Variants in USP13 observed in about 807,000 individuals in gnomAD.
The protein encoded by USP13 is ubiquitin carboxyl-terminal hydrolase 13.
In USP13, 68 loss-of-function variants were observed where a neutral mutation model predicts 107.8. That is an observed-to-expected ratio of 0.63 (90% CI 0.52 to 0.77). The LOEUF (loss-of-function observed/expected upper bound fraction) is 0.77, where lower values mean the gene tolerates loss of function less well. Among genes scored for constraint, USP13 ranks in the 30% least tolerant of loss-of-function variants. The pLI, the probability that USP13 is intolerant of heterozygous loss-of-function variation, is 0.00. For synonymous variants in USP13, 377 were observed against 389.5 expected (o/e 0.97, Z 0.38); for missense variants, 945 against 1,093.3 (o/e 0.86, Z 1.91).
chr3:179,670,768 G>A (rs1239575774), intron 1 of USP13, among the ~76,000 whole-genome samples: 3 of 151,852 alleles, frequency 2.0e-5, no homozygotes, highest in Non-Finnish European at 2.9e-5. Context: ...CATGATCTCC[G>A]CTCACTGCAA....
At chr3:179,660,839 T>C (rs1011207755) in intron 1 of USP13, among the ~76,000 whole-genome samples, 1 of 152,226 alleles carries the variant, frequency 6.6e-6, no homozygotes, top group Non-Finnish European at 1.5e-5. Context: ...AAGTAAATCT[T>C]ATTAGTTTCA....
At chr3:179,783,493 TTC>T (rs1442731315) in intron 20 of USP13, among the ~76,000 whole-genome samples, 1 of 152,224 alleles carries the variant, frequency 6.6e-6, no homozygotes, top group African/African-American at 2.4e-5. Context: ...ATTTTAATAG[TTC>T]TATAATAGTT....
intron 19 of USP13, among the ~76,000 whole-genome samples, chr3:179,771,794 T>C (rs1432029693): frequency 6.6e-6 from 1 of 152,220 alleles, no homozygotes; most frequent in Non-Finnish European, 1.5e-5. Flanking sequence ...TTTAGGAATA[T>C]GTTAATTAAA....
At position 179,730,672 on chromosome 3, in the gene USP13, C is replaced by T; in HGVS notation, c.1217C>T (p.Ser406Phe). Residue 406 changes from serine (S) to phenylalanine (F), a missense_variant, in exon 10 of 21, where the codon TCT becomes TTT. Transcript: ENST00000263966. ...SGQYSKPPVK[S>F]ELIEQVMKEE... ...CAGTATTCAAAGCCTCCGGTGAAAT[C>T]TGAACTCATTGAACAGGTGATGAAG... The T allele has an allele frequency of 1.2e-6, 2 of 1,614,150 alleles. No individual in the cohort carries two copies. The highest frequency in any genetic ancestry group is 1.7e-6 in the Non-Finnish European group (2 of 1,180,004).
Position 179,653,259 on chromosome 3 carries a change from G to C in USP13, c.34G>C (p.Gly12Arg), listed in dbSNP as rs1194952653. The C allele has an allele frequency of 6.4e-7, 1 of 1,560,830 alleles. No homozygotes were observed. The highest frequency in any genetic ancestry group is 8.7e-7 in the Non-Finnish European group (1 of 1,153,292). The change falls in exon 1 of 21, where the codon GGC becomes CGC. Residue 12 changes from glycine (G) to arginine (R), a missense_variant. Gly to Arg is a moderately radical substitution (Grantham distance 125). Coordinates refer to ENST00000263966, the MANE Select transcript of USP13 (RefSeq NM_003940.3). The surrounding 1 kb of genome is among the most constrained non-coding windows in gnomAD (Gnocchi z 4.0). ...CCGGGGCGCCCTGTTCGGCATGCCG[G>C]GCGGCAGCGGAGGCAGGAAGATGGC... is the stretch of plus-strand genomic sequence containing the variant. ...QRRGALFGMP[G>R]GSGGRKMAAG...
chr3:179,729,626 T>A (rs1347665668), intron 8 of USP13, among the ~76,000 whole-genome samples: 1 of 152,120 alleles, frequency 6.6e-6, no homozygotes, highest in Admixed American at 6.5e-5. Context: ...CACGTGCCAC[T>A]GCACCTGGCT....
intron 17 of USP13, among the ~76,000 whole-genome samples, 198 bp from the exon 18 acceptor site, chr3:179,763,804 A>C (rs1715082098): frequency 6.6e-6 from 1 of 152,164 alleles, no homozygotes; most frequent in South Asian, 2.1e-4. Context: ...CAGGCTGGCC[A>C]CGAACTCCTG....
chr3:179,671,215 A>G (rs763558013), intron 1 of USP13, among the ~76,000 whole-genome samples: 20 of 152,132 alleles, frequency 1.3e-4, no homozygotes, highest in Non-Finnish European at 1.6e-4. Context: ...TCTGGGCAAC[A>G]GAGTGAGACT....
intron 8 of USP13, among the ~76,000 whole-genome samples, chr3:179,729,394 A>G (rs1477592743): frequency 5.3e-5 from 8 of 152,222 alleles, no homozygotes; most frequent in Non-Finnish European, 1.2e-4. Flanking sequence ...GGACGGGCCC[A>G]GTCAAGCAGA....
chr3:179,721,635 C>T lies in USP13; in HGVS notation c.1088+46C>T. 6.3e-7 allele frequency: 1 copy of T among 1,582,740 alleles called. No homozygotes were observed. Among genetic ancestry groups the T allele is most frequent in the Non-Finnish European group, 8.6e-7 (1 of 1,162,342 alleles). On this transcript the variant is annotated intron_variant, in intron 8 of 20. Coordinates refer to ENST00000263966, the MANE Select transcript of USP13 (RefSeq NM_003940.3). The surrounding 1 kb of genome is among the most constrained non-coding windows in gnomAD (Gnocchi z 4.3). Reference sequence around the variant, plus strand: ...CCAGGGCACGCGGCACCTCCCTGCCCCATCTAGGTCCAGTCCACTCAGTGT... The same window carrying T: ...CCAGGGCACGCGGCACCTCCCTGCCTCATCTAGGTCCAGTCCACTCAGTGT...
chr3:179,766,533 C>T (rs1023513045), intron 19 of USP13, among the ~76,000 whole-genome samples: 21 of 152,140 alleles, frequency 1.4e-4, no homozygotes, highest in African/African-American at 4.1e-4. Context: ...TATCGTTACC[C>T]GTACCAACTA....
intron 4 of USP13, among the ~76,000 whole-genome samples, chr3:179,705,699 G>C (rs755054766): frequency 3.9e-4 from 59 of 152,096 alleles, no homozygotes; most frequent in Middle Eastern, 3.4e-3. Context: ...CATTTGGGTT[G>C]TTTCCATTAT....
intron 4 of USP13, among the ~76,000 whole-genome samples, chr3:179,705,961 G>GTTC (rs1447395252): frequency 1.3e-5 from 2 of 152,130 alleles, no homozygotes; most frequent in Non-Finnish European, 2.9e-5. Flanking sequence ...GACCTCAAGT[G>GTTC]ATCTGCTGGT....
intron 2 of USP13, among the ~76,000 whole-genome samples, chr3:179,683,992 C>T (rs1400335451): frequency 6.6e-6 from 1 of 152,060 alleles, no homozygotes; most frequent in Non-Finnish European, 1.5e-5. Context: ...GACGGAGTCT[C>T]TCTCTGTCAC....
At chr3:179,755,620 G>A (rs908039801) in intron 15 of USP13, among the ~76,000 whole-genome samples, 1 of 152,172 alleles carries the variant, frequency 6.6e-6, no homozygotes, top group African/African-American at 2.4e-5. Context: ...AATGGAAAAG[G>A]ATATGCCAAA....
In USP13 at chr3:179,754,782, A is replaced by C; in HGVS notation, c.1849A>C (p.Arg617=). 3 of 1,613,560 alleles carry C rather than the reference A, an allele frequency of 1.9e-6. No individual in the cohort carries two copies. Among genetic ancestry groups the C allele is most frequent in the Non-Finnish European group, 1.7e-6 (2 of 1,179,782 alleles). ...ACTTGATATCAACCATCTCCGAGCC[A>C]GGGGGTTACAGCCAGGAGAGGAAGA... is the stretch of plus-strand genomic sequence containing the variant. ...DLLDINHLRA[R]GLQPGEEELP... The change falls in exon 15 of 21, where the codon AGG becomes CGG. Residue 617 remains arginine, a synonymous_variant. Coordinates refer to ENST00000263966, the MANE Select transcript of USP13 (RefSeq NM_003940.3).
At chr3:179,748,567 C>G (rs1248716539) in intron 13 of USP13, among the ~76,000 whole-genome samples, 1 of 152,162 alleles carries the variant, frequency 6.6e-6, no homozygotes, top group Non-Finnish European at 1.5e-5. Flanking sequence ...CTTAAATGAT[C>G]ATGAACAGAC....
chr3:179,751,800 T>A (rs1461163971), intron 13 of USP13, among the ~76,000 whole-genome samples: 3 of 152,174 alleles, frequency 2.0e-5, no homozygotes, highest in Admixed American at 1.3e-4. Context: ...CTCAGCTCAC[T>A]GCATCCTTTG....
intron 7 of USP13, among the ~76,000 whole-genome samples, chr3:179,720,811 C>CT (rs1215405779): frequency 0.059 from 8,342 of 142,446 alleles, 716 homozygotes; most frequent in African/African-American, 0.19. Flanking sequence ...TCTTTAAAAT[C>CT]TTTTTTTTTT....
Sources: allele counts gnomAD v4.1 joint callset (sites outside exome capture counted in the v4.1 genomes callset), GRCh38; gene constraint gnomAD v4.1.1; non-coding constraint Gnocchi (gnomAD v3.1); transcripts MANE v1.5; gene names NCBI Gene and HGNC (gene_info 2026-07-23, HGNC 2026-07-21).